Variants in CDIN1 observed in about 807,000 individuals in gnomAD.
CDIN1 encodes CDAN1 interacting nuclease 1.
CDIN1 carries 33 observed loss-of-function variants against 45.3 expected under a neutral mutation model. The observed-to-expected ratio is 0.73, with a 90% CI of 0.55 to 0.97. The LOEUF (loss-of-function observed/expected upper bound fraction) is 0.97, where lower values mean the gene tolerates loss of function less well. CDIN1 is among the 50% of genes least tolerant of loss of function. The probability of loss-of-function intolerance (pLI) is 0.00; values close to 1 mark genes in which losing one functional copy is unlikely to be tolerated. For synonymous variants in CDIN1, 118 were observed against 124.4 expected (o/e 0.95, Z 0.34); for missense variants, 303 against 339.4 (o/e 0.89, Z 0.84).
chr15:36,719,248 T>A (rs369195480), intron 10 of CDIN1, among the ~76,000 whole-genome samples: 33 of 152,202 alleles, frequency 2.2e-4, no homozygotes, highest in African/African-American at 7.9e-4. Context: ...AAGACTGATG[T>A]TAGCTATAGG....
rs1595499108 is a variant in CDIN1 at position 36,706,649 on chromosome 15, A to C, written c.545-2574A>C. ...CAAAAAAAAAGGTTGACTTCAAAGA[A>C]AAATTTTCCCATCAGTATTAAGGAA... On this transcript the variant is annotated intron_variant, in intron 8 of 10. Coordinates refer to ENST00000566621, the MANE Select transcript of CDIN1 (RefSeq NM_001321759.2). 3 of 152,228 alleles carry C rather than the reference A, an allele frequency of 2.0e-5. No homozygotes were observed. The South Asian group carries it at 6.2e-4, about 32-fold the overall frequency. 9.4% of individuals were successfully genotyped at this position (152,228 alleles called of 1,614,324 possible).
At chr15:36,630,263 C>G (rs140776767) in intron 1 of CDIN1, among the ~76,000 whole-genome samples, 148 of 152,258 alleles carry the variant, frequency 9.7e-4, no homozygotes, top group African/African-American at 3.3e-3. Flanking sequence ...TGTCCAGTGT[C>G]AATATGATTA....
At chr15:36,655,203 T>C (rs2040730876) in intron 4 of CDIN1, among the ~76,000 whole-genome samples, 1 of 152,208 alleles carries the variant, frequency 6.6e-6, no homozygotes, top group Non-Finnish European at 1.5e-5. Flanking sequence ...CTAAGCAATG[T>C]CTACACAATC....
intron 5 of CDIN1, among the ~76,000 whole-genome samples, chr15:36,677,553 A>T (rs184771547): frequency 6.5e-4 from 99 of 152,310 alleles, no homozygotes; most frequent in African/African-American, 2.3e-3. Flanking sequence ...CAATATTAAG[A>T]AAATATTGAC....
At chr15:36,707,175 A>C (rs7173793) in intron 8 of CDIN1, 151,498 of 152,244 alleles carry the variant, frequency 1, 75,382 homozygotes, top group Middle Eastern at 1. Flanking sequence ...TTGGCATAAC[A>C]TCTTTACTAT....
At chr15:36,746,120 C>T (rs2044420600) in intron 10 of CDIN1, among the ~76,000 whole-genome samples, 1 of 152,110 alleles carries the variant, frequency 6.6e-6, no homozygotes, top group Admixed American at 6.5e-5. Context: ...GTCTCTGGGG[C>T]AGCGCTGATA....
intron 10 of CDIN1, among the ~76,000 whole-genome samples, chr15:36,730,377 G>A (rs2043794059): frequency 6.6e-6 from 1 of 152,068 alleles, no homozygotes; most frequent in Non-Finnish European, 1.5e-5. Flanking sequence ...CTAATTTTAT[G>A]TATACAGAGT....
At chr15:36,601,936 A>G (rs1046890219) in intron 1 of CDIN1, among the ~76,000 whole-genome samples, 2 of 152,172 alleles carry the variant, frequency 1.3e-5, no homozygotes, top group Non-Finnish European at 2.9e-5. Context: ...ATACACCAAA[A>G]CACTCAGGGT....
chr15:36,787,364 G>T (rs2054518353), intron 10 of CDIN1, among the ~76,000 whole-genome samples: 1 of 152,210 alleles, frequency 6.6e-6, no homozygotes, highest in Non-Finnish European at 1.5e-5. Flanking sequence ...AGCTTTTCAA[G>T]CATTTCAGTG....
chr15:36,709,285 G>C lies in CDIN1; in HGVS notation c.607G>C (p.Val203Leu), dbSNP rs370422637. The C allele has an allele frequency of 1.2e-6, 2 of 1,600,124 alleles. No homozygotes were observed. Among genetic ancestry groups the C allele is most frequent in the South Asian group, 2.3e-5 (2 of 88,164 alleles). ...KTPDFILQVP[V>L]AVEGHIIHWI... ...ACCAGACTTCATTTTACAAGTACCA[G>C]TTGGTAAGTTCTTTAACTCTGTTAT... The change falls in exon 9 of 11, where the codon GTT becomes CTT. Residue 203 changes from valine (V) to leucine (L), a missense_variant. Physicochemically the swap from Val to Leu is conservative, Grantham distance 32 (BLOSUM62 1). Transcript: ENST00000566621.
chr15:36,756,940 C>G (rs1364594040), intron 10 of CDIN1, among the ~76,000 whole-genome samples: 1 of 152,116 alleles, frequency 6.6e-6, no homozygotes, highest in Non-Finnish European at 1.5e-5. Flanking sequence ...GGAGAGAAGT[C>G]AGAAAAGTAA....
chr15:36,620,541 AC>A (rs1275655580), intron 1 of CDIN1, among the ~76,000 whole-genome samples: 4 of 152,172 alleles, frequency 2.6e-5, no homozygotes, highest in East Asian at 1.9e-4. Context: ...AAGCAAAATA[AC>A]CAACTACTTA....
intron 5 of CDIN1, among the ~76,000 whole-genome samples, chr15:36,674,362 A>AT (rs904526876): frequency 3.3e-5 from 5 of 152,116 alleles, no homozygotes; most frequent in African/African-American, 7.2e-5. Flanking sequence ...CTCTTTATGA[A>AT]TTTTTTAAAC....
intron 10 of CDIN1, among the ~76,000 whole-genome samples, chr15:36,755,683 G>C (rs111960079): frequency 2.3e-4 from 7 of 30,344 alleles, no homozygotes; most frequent in African/African-American, 4.5e-4. Flanking sequence ...CTTAGTGTTG[G>C]TTTAAAAAAA....
chr15:36,729,121 A>G (rs1025445639), intron 10 of CDIN1, among the ~76,000 whole-genome samples: 3 of 152,162 alleles, frequency 2.0e-5, no homozygotes, highest in African/African-American at 7.2e-5. Flanking sequence ...CGGTTGTGCT[A>G]TTTATAAAAT....
At chr15:36,590,535 G>C (rs745620049) in intron 1 of CDIN1, among the ~76,000 whole-genome samples, 2 of 152,138 alleles carry the variant, frequency 1.3e-5, no homozygotes, top group African/African-American at 2.4e-5. Context: ...AATTCTGTGC[G>C]AAGCCCAGTC....
intron 7 of CDIN1, among the ~76,000 whole-genome samples, chr15:36,694,180 G>A (rs1447309257): frequency 1.3e-5 from 2 of 152,112 alleles, no homozygotes; most frequent in Non-Finnish European, 1.5e-5. Context: ...AAAACAGGCT[G>A]GGAAGTTTAC....
intron 10 of CDIN1, among the ~76,000 whole-genome samples, chr15:36,738,959 T>C (rs753756700): frequency 7.2e-5 from 11 of 152,254 alleles, no homozygotes; most frequent in Middle Eastern, 6.3e-3. Context: ...GTAAATATCA[T>C]GTACCAATGT....
intron 10 of CDIN1, among the ~76,000 whole-genome samples, chr15:36,795,178 G>A (rs1343574634): frequency 1.3e-5 from 2 of 152,094 alleles, no homozygotes; most frequent in African/African-American, 4.8e-5. Flanking sequence ...GTTGGTTAAT[G>A]GATACAAACA....
Sources: allele counts gnomAD v4.1 joint callset (sites outside exome capture counted in the v4.1 genomes callset), GRCh38; gene constraint gnomAD v4.1.1; transcripts MANE v1.5; gene names NCBI Gene and HGNC (gene_info 2026-07-23, HGNC 2026-07-21).